The following KANSL1 variants were observed in gnomAD, a reference collection of about 807,000 sequenced individuals.
KANSL1 encodes the protein MLL1/MLL complex subunit KANSL1.
KANSL1 carries 22 observed loss-of-function variants against 103.6 expected under a neutral mutation model. That is an observed-to-expected ratio of 0.21 (90% confidence interval 0.15 to 0.30). KANSL1 has a LOEUF of 0.30. Ranked by LOEUF, KANSL1 falls within the 10% of genes least tolerant of loss-of-function variation. The probability of loss-of-function intolerance (pLI) is 1.00; values close to 1 mark genes in which losing one functional copy is unlikely to be tolerated. For synonymous variants in KANSL1, 600 were observed against 527.6 expected, an observed-to-expected ratio of 1.14 and a Z score of -1.88; for missense variants, 1,337 against 1,399.8, an observed-to-expected ratio of 0.96 and a Z score of 0.72.
chr17:46,079,253 T>G (rs1048934671), intron 4 of KANSL1, among the ~76,000 whole-genome samples: 2 of 152,234 alleles, frequency 1.3e-5, no homozygotes, highest in Admixed American at 1.3e-4. Flanking sequence ...ATATCTGTAC[T>G]GTATTCAAGA....
At chr17:46,174,443 A>G (rs1187942041) in intron 1 of KANSL1, among the ~76,000 whole-genome samples, 2 of 152,244 alleles carry the variant, frequency 1.3e-5, no homozygotes, top group African/African-American at 2.4e-5. Context: ...TCGGCCTTCC[A>G]AAGTGCTGGG....
At chr17:46,123,048 CG>C (rs1237309915) in intron 2 of KANSL1, among the ~76,000 whole-genome samples, 1 of 152,184 alleles carries the variant, frequency 6.6e-6, no homozygotes, top group Non-Finnish European at 1.5e-5. Flanking sequence ...TAGACACTTG[CG>C]GATGTTTTCT....
intron 2 of KANSL1, among the ~76,000 whole-genome samples, chr17:46,140,015 A>G (rs1349317827): frequency 1.3e-5 from 2 of 152,210 alleles, no homozygotes; most frequent in Non-Finnish European, 2.9e-5. Context: ...GCTCATAATA[A>G]AATTTCAAAG....
Position 46,149,879 on chromosome 17 carries a change from G to A in KANSL1, c.1289+20976C>T, listed in dbSNP as rs550752160. Among the ~76,000 whole-genome samples, 373 of 151,770 alleles carry A rather than the reference G, an allele frequency of 2.5e-3. 2 individuals are homozygous for A. Among genetic ancestry groups the A allele is most frequent in the East Asian group, 0.018 (91 of 5,144 alleles). On this transcript the variant is annotated intron_variant, in intron 2 of 14. Coordinates refer to ENST00000432791, the MANE Select transcript of KANSL1 (RefSeq NM_015443.4). ...AATACAAAAAAAAAAAAAATTAGCC[G>A]GGTGTGGTGGCGGGCGCCTGTAATC...
chr17:46,079,055 T>C (rs1038703113), intron 4 of KANSL1, among the ~76,000 whole-genome samples: 3 of 152,212 alleles, frequency 2.0e-5, no homozygotes, highest in Admixed American at 2.0e-4. Context: ...GGCATTTTTC[T>C]AGGCATTCCT....
chr17:46,181,038 A>T (rs2046765846), intron 1 of KANSL1, among the ~76,000 whole-genome samples: 1 of 152,210 alleles, frequency 6.6e-6, no homozygotes, highest in Non-Finnish European at 1.5e-5. Context: ...TAAAAAAGCT[A>T]CCACAATAAT....
chr17:46,163,590 T>A (rs1019347567), intron 2 of KANSL1, among the ~76,000 whole-genome samples: 3 of 152,208 alleles, frequency 2.0e-5, no homozygotes, highest in Admixed American at 6.5e-5. Context: ...TTTTTAAGAC[T>A]CTAGTAAAGA....
Position 46,098,062 on chromosome 17 carries a change from G to A in KANSL1, c.1290-3361C>T, listed in dbSNP as rs547546819. Among the ~76,000 whole-genome samples, 170 of 149,790 alleles carry A rather than the reference G, an allele frequency of 1.1e-3. 1 individual carries two copies. The highest frequency in any genetic ancestry group is 2.1e-3 in the Non-Finnish European group (140 of 68,010). On this transcript the variant is annotated intron_variant, in intron 2 of 14. Coordinates refer to ENST00000432791, the MANE Select transcript of KANSL1 (RefSeq NM_015443.4). Reference sequence around the variant, plus strand: ...GATAAAAAGATACTTTTAAAGTACAGTTATCTGCTTCAATGTTGGCTGCAG... The same window carrying A: ...GATAAAAAGATACTTTTAAAGTACAATTATCTGCTTCAATGTTGGCTGCAG...
At chr17:46,180,971 G>A (rs901845810) in intron 1 of KANSL1, among the ~76,000 whole-genome samples, 1 of 152,178 alleles carries the variant, frequency 6.6e-6, no homozygotes, top group African/African-American at 2.4e-5. Context: ...AGAGAGATCA[G>A]TTGGGTAGGA....
rs34480982 is a variant in KANSL1 at position 46,112,368 on chromosome 17, C to CAA, written c.1290-17669_1290-17668dup. On this transcript the variant is annotated intron_variant, in intron 2 of 14. Coordinates refer to ENST00000432791, the MANE Select transcript of KANSL1 (RefSeq NM_015443.4). The stretch of plus-strand genomic sequence containing the variant: ...GGGTGAAAAGAGTGAAACTCTGTCT[C>CAA]AAAAAAAAAAAAAAAAAAAAAAAAA... 4.2e-3 allele frequency among the ~76,000 whole-genome samples: 214 copies of CAA among 51,096 alleles called. 3 individuals carry two copies. Among genetic ancestry groups the CAA allele is most frequent in the African/African-American group, 8.5e-3 (96 of 11,248 alleles). The allele number at this position is 51,096 out of a possible 152,430, so 33.5% of individuals were successfully genotyped here. A position where few individuals can be genotyped will look rare whatever the true frequency, so the allele number is the denominator to read the frequency against.
At chr17:46,137,308 C>T (rs2044196124) in intron 2 of KANSL1, among the ~76,000 whole-genome samples, 1 of 152,220 alleles carries the variant, frequency 6.6e-6, no homozygotes, top group Non-Finnish European at 1.5e-5. Context: ...TCCAGATATT[C>T]CAACTTGTTA....
intron 1 of KANSL1, among the ~76,000 whole-genome samples, chr17:46,182,489 CAAAG>C (rs2046838311): frequency 6.6e-6 from 1 of 152,216 alleles, no homozygotes; most frequent in Non-Finnish European, 1.5e-5. Context: ...TACTATAAAA[CAAAG>C]AGATAATGTG....
At chr17:46,158,623 C>T (rs112629219) in intron 2 of KANSL1, among the ~76,000 whole-genome samples, 2,329 of 151,820 alleles carry the variant, frequency 0.015, no homozygotes, top group Non-Finnish European at 0.028. Flanking sequence ...TCACTGTAAC[C>T]TCCACCACCT....
chr17:46,197,865 A>G (rs1019827658), upstream of KANSL1, among the ~76,000 whole-genome samples: 1 of 152,266 alleles, frequency 6.6e-6, no homozygotes, highest in Non-Finnish European at 1.5e-5. Context: ...CCTGCCACAG[A>G]CCTTCTAAAC....
intron 2 of KANSL1, among the ~76,000 whole-genome samples, chr17:46,107,901 A>C (rs2042638542): frequency 6.6e-6 from 1 of 152,156 alleles, no homozygotes; most frequent in South Asian, 2.1e-4. Context: ...CTCTCTCATA[A>C]ACACACTCAA....
At chr17:46,096,302 C>CTTTTTTTTTTTTTTTTTTTTTTT (rs1273083741) in intron 2 of KANSL1, among the ~76,000 whole-genome samples, 2 of 82,596 alleles carry the variant, frequency 2.4e-5, no homozygotes, top group East Asian at 5.9e-4. Context: ...ACATACCTGG[C>CTTTTTTTTTTTTTTTTTTTTTTT]TTTTTTTTCT....
intron 4 of KANSL1, among the ~76,000 whole-genome samples, chr17:46,082,061 T>C (rs1376237136): frequency 6.6e-6 from 1 of 152,160 alleles, no homozygotes; most frequent in Non-Finnish European, 1.5e-5. Flanking sequence ...TTCTTGTGAA[T>C]TTAACCTCTA....
chr17:46,094,516 T>C (rs767888522), intron 3 of KANSL1, 44 bp downstream of exon 3: 20 of 1,590,780 alleles, frequency 1.3e-5, no homozygotes, highest in African/African-American at 6.8e-5. Flanking sequence ...GCGATATTGA[T>C]AGTTTTCGGC....
At chr17:46,157,821 T>C (rs571738536) in intron 2 of KANSL1, among the ~76,000 whole-genome samples, 1 of 152,382 alleles carries the variant, frequency 6.6e-6, no homozygotes, top group East Asian at 1.9e-4. Context: ...AAGAAAAGAC[T>C]GGCCTGTCCT....
Sources: allele counts gnomAD v4.1 joint callset (sites outside exome capture counted in the v4.1 genomes callset), GRCh38; gene constraint gnomAD v4.1.1; transcripts MANE v1.5; gene names NCBI Gene and HGNC (gene_info 2026-07-23, HGNC 2026-07-21).